Variants in ALB observed in about 807,000 individuals in gnomAD.
ALB encodes the protein albumin, also known as serum albumin.
Under a neutral mutation model 74.5 loss-of-function variants are expected in ALB, and 37 were observed. That is an observed-to-expected ratio of 0.50 (90% confidence interval 0.38 to 0.65). The LOEUF is 0.65. ALB is among the 30% of genes least tolerant of loss of function. The pLI is 0.00. For synonymous variants in ALB, 249 were observed against 251.6 expected, an observed-to-expected ratio of 0.99 and a Z score of 0.10; for missense variants, 685 against 718.7, an observed-to-expected ratio of 0.95 and a Z score of 0.54.
chr4:73,415,177 T>C lies in ALB; in HGVS notation c.1191+10T>C, dbSNP rs1324804887. ...ATGCTATGCCAAAGTGGTAGGTTTA[T>C]TGTTGGAAAAAAATGTAGTTCTTTG... On this transcript the variant is annotated intron_variant, in intron 9 of 14. Coordinates refer to ENST00000295897, the MANE Select transcript of ALB (RefSeq NM_000477.7). 1 of 1,614,018 alleles carries C rather than the reference T, an allele frequency of 6.2e-7. No individual in the cohort carries two copies. Among genetic ancestry groups the C allele is most frequent in the East Asian group, 2.2e-5 (1 of 44,874 alleles).
chr4:73,414,974 T>G, intron 8 of ALB, 61 bp from the exon 9 acceptor site: 2 of 1,587,522 alleles, frequency 1.3e-6, no homozygotes, highest in Non-Finnish European at 1.7e-6. Flanking sequence ...TGAGATTAGC[T>G]TTGTGATATT....
chr4:73,412,184 G>A (rs1192671646), intron 7 of ALB, 59 bp downstream of exon 7: 7 of 1,604,404 alleles, frequency 4.4e-6, no homozygotes, highest in Non-Finnish European at 6.0e-6. Context: ...TAGAATGGAT[G>A]CGTTTGGTAT....
rs763810037 is a variant in ALB, at chr4:73,418,143, A to G, written c.1484A>G (p.Asp495Gly). ...TTGCATGAGAAAACGCCAGTAAGTG[A>G]CAGAGTCACCAAATGCTGCACAGAA... ...CVLHEKTPVS[D>G]RVTKCCTESL... Residue 495 changes from aspartate to glycine, a missense_variant, in exon 12 of 15, where the codon GAC becomes GGC. Physicochemically the swap from Asp to Gly is moderately conservative, Grantham distance 94. Coordinates refer to ENST00000295897, the MANE Select transcript of ALB (RefSeq NM_000477.7). 1.2e-6 allele frequency: 2 copies of G among 1,614,182 alleles called. No homozygotes were observed. Among genetic ancestry groups the G allele is most frequent in the South Asian group, 2.2e-5 (2 of 91,088 alleles).
Position 73,416,139 on chromosome 4 carries a change from A to G in ALB, c.1192-117A>G, listed in dbSNP as rs1228118640. On this transcript the variant is annotated intron_variant, in intron 9 of 14. Transcript: ENST00000295897. ...GACAGAGCGGCATTGATATTCATCT[A>G]TTCATGTGGCTTTGAGTAGGAAGAA... is the stretch of plus-strand genomic sequence containing the variant. 5 of 738,336 alleles carry G rather than the reference A, an allele frequency of 6.8e-6. No individual in the cohort carries two copies. The Admixed American group carries it at 1.0e-4, about 15-fold the overall frequency. 45.7% of individuals were successfully genotyped at this position (738,336 alleles called of 1,614,324 possible).
chr4:73,410,341 T>G lies in ALB; in HGVS notation c.645T>G (p.Ala215=). The G allele has an allele frequency of 1.2e-6, 2 of 1,613,906 alleles. No individual in the cohort carries two copies. The highest frequency in any genetic ancestry group is 1.7e-6 in the Non-Finnish European group (2 of 1,179,812). The change falls in exon 6 of 15, where the codon GCT becomes GCG. Residue 215 remains alanine (A), a synonymous_variant. Transcript: ENST00000295897. ...KLDELRDEGK[A]SSAKQRLKCA... ...ATGAACTTCGGGATGAAGGGAAGGC[T>G]TCGTCTGCCAAACAGAGACTCAAGT...
intron 10 of ALB, among the ~76,000 whole-genome samples, chr4:73,416,731 T>C (rs1719022263): frequency 6.6e-6 from 1 of 152,178 alleles, no homozygotes; most frequent in Non-Finnish European, 1.5e-5. Context: ...AAGTAATATG[T>C]AAGCTGAACA....
chr4:73,408,814 T>G lies in ALB; in HGVS notation c.482+9T>G. On this transcript the variant is annotated intron_variant, in intron 4 of 14. Coordinates refer to ENST00000295897, the MANE Select transcript of ALB (RefSeq NM_000477.7). ...GAGACATTTTTGAAAAAGTAAGTAATCAGATGTTTATAGTTCAAAATTAAA... is the reference window on the plus strand; with the variant it reads ...GAGACATTTTTGAAAAAGTAAGTAAGCAGATGTTTATAGTTCAAAATTAAA... 1 of 1,610,182 alleles carries G rather than the reference T, an allele frequency of 6.2e-7. No homozygotes were observed. Among genetic ancestry groups the G allele is most frequent in the Non-Finnish European group, 8.5e-7 (1 of 1,177,100 alleles).
At chr4:73,421,069 A>G (rs938068534) in intron 14 of ALB, 23 bp from the exon 15 acceptor site, 7 of 686,310 alleles carry the variant, frequency 1.0e-5, no homozygotes, top group Non-Finnish European at 1.6e-5. Flanking sequence ...AATAAGACTT[A>G]TATTTGTCCT....
intron 14 of ALB, chr4:73,420,765 A>G (rs1043010384): frequency 1.3e-5 from 4 of 307,316 alleles, no homozygotes; most frequent in Non-Finnish European, 2.4e-5. Flanking sequence ...GTTCAACCTA[A>G]TAGTTCAACT....
intron 2 of ALB, among the ~76,000 whole-genome samples, chr4:73,406,410 A>C (rs1718730667): frequency 6.6e-6 from 1 of 152,228 alleles, no homozygotes; most frequent in African/African-American, 2.4e-5. Context: ...ACACGCATAC[A>C]TATAAACATT....
intron 14 of ALB, 127 bp downstream of exon 14, chr4:73,420,448 A>T (rs1719115933): frequency 1.9e-6 from 1 of 527,554 alleles, no homozygotes. Context: ...TATGTATGTA[A>T]ATATTAGCTT....
chr4:73,412,208 T>A, intron 7 of ALB, 83 bp downstream of exon 7: 10 of 1,494,992 alleles, frequency 6.7e-6, no homozygotes, highest in East Asian at 2.3e-5. Flanking sequence ...TGGTGATAGC[T>A]GACAGTGGGT....
In ALB at chr4:73,417,396, A is replaced by G. The variant is rs995886001; in HGVS notation, c.1290-135A>G. 3.5e-6 allele frequency: 4 copies of G among 1,153,826 alleles called. No homozygotes were observed. In the African/African-American group the frequency reaches 6.1e-5, roughly 18 times the overall value. The allele number at this position is 1,153,826 out of a possible 1,614,324, so 71.5% of individuals were successfully genotyped here. On this transcript the variant is annotated intron_variant, in intron 10 of 14. Transcript: ENST00000295897. ...GTTTTCTACCCTCCACTAACCCACTACTCTGCAGATGGAGATAATATGATG... is the reference window on the plus strand; with the variant it reads ...GTTTTCTACCCTCCACTAACCCACTGCTCTGCAGATGGAGATAATATGATG...
At chr4:73,409,592 C>T in intron 5 of ALB, 105 bp downstream of exon 5, 1 of 1,410,974 alleles carries the variant, frequency 7.1e-7, no homozygotes, top group Non-Finnish European at 9.9e-7. Context: ...AACTTTCCGA[C>T]ATGGTCAAAA....
chr4:73,411,515 A>T (rs1392603518), intron 6 of ALB, among the ~76,000 whole-genome samples: 2 of 152,208 alleles, frequency 1.3e-5, no homozygotes, highest in Non-Finnish European at 2.9e-5. Context: ...TTGAGAAAAA[A>T]GATAACTGGA....
At chr4:73,404,986 A>G in intron 1 of ALB, 130 bp from the exon 2 acceptor site, 1 of 797,170 alleles carries the variant, frequency 1.3e-6, no homozygotes, top group Non-Finnish European at 2.1e-6. Flanking sequence ...GTTTTTCTGT[A>G]GGAATCAGAG....
intron 9 of ALB, 149 bp downstream of exon 9, chr4:73,415,316 G>T (rs1296981148): frequency 2.1e-6 from 2 of 958,798 alleles, no homozygotes; most frequent in Admixed American, 2.2e-5. Context: ...AAACATGAAA[G>T]AAAAAGTAGC....
chr4:73,412,125 G>T lies in ALB; in HGVS notation c.843G>T (p.Arg281Ser), dbSNP rs1434617444. 5.6e-6 allele frequency: 9 copies of T among 1,613,994 alleles called. No individual in the cohort carries two copies. The highest frequency in any genetic ancestry group is 7.6e-6 in the Non-Finnish European group (9 of 1,179,970). ...ATCTGCTTGAATGTGCTGATGACAG[G>T]GTAAAGAGTCGTCGATATGCTTTTT... The part of the protein sequence containing the change: ...HGDLLECADD[R>S]ADLAKYICEN... Residue 281 changes from arginine to serine, a missense_variant and splice_region_variant, in exon 7 of 15, where the codon AGG becomes AGT. Physicochemically the swap from Arg to Ser is moderately radical, Grantham distance 110 (BLOSUM62 -1). Coordinates refer to ENST00000295897, the MANE Select transcript of ALB (RefSeq NM_000477.7).
At chr4:73,410,090 T>C (rs1418952936) in intron 5 of ALB, among the ~76,000 whole-genome samples, 1 of 152,170 alleles carries the variant, frequency 6.6e-6, no homozygotes, top group Non-Finnish European at 1.5e-5. Context: ...TGTTTCCAGT[T>C]GGTTTCTAAC....
Sources: gnomAD v4.1 joint callset for allele counts (sites outside exome capture counted in the v4.1 genomes callset) on GRCh38, gnomAD v4.1.1 for gene constraint, MANE v1.5 for transcripts, NCBI Gene and HGNC (gene_info 2026-07-23, HGNC 2026-07-21) for gene names.